The following ESRRG variants were observed in gnomAD, a reference collection of about 807,000 sequenced individuals.
The protein encoded by ESRRG is estrogen related receptor gamma.
Under a neutral mutation model 44.0 loss-of-function variants are expected in ESRRG, and 13 were observed. The observed-to-expected ratio is 0.30, with a 90% CI of 0.19 to 0.47. The LOEUF (loss-of-function observed/expected upper bound fraction) is 0.47, where lower values mean the gene tolerates loss of function less well. Among genes scored for constraint, ESRRG ranks in the 20% least tolerant of loss-of-function variants. ESRRG has a pLI of 1.00. For missense variants in ESRRG, 395 were observed against 580.6 expected, an observed-to-expected ratio of 0.68 and a Z score of 3.29; for synonymous variants, 215 against 214.6, an observed-to-expected ratio of 1.00 and a Z score of -0.02.
intron 2 of ESRRG, among the ~76,000 whole-genome samples, chr1:216,820,825 C>T (rs1440280286): frequency 6.6e-6 from 1 of 152,166 alleles, no homozygotes; most frequent in African/African-American, 2.4e-5. Context: ...GTTTGCTAAC[C>T]TTTAAATTCT....
At position 216,506,931 on chromosome 1, in the gene ESRRG, G is replaced by A. The variant is rs775113591; in HGVS notation, c.*8C>T. ...CATGAAGGATGGGAAGGCCCAGGGA[G>A]CTTTTAGTCAGACCTTGGCCTCCAA... is the stretch of plus-strand genomic sequence containing the variant. On this transcript the variant is annotated 3_prime_UTR_variant, in exon 7 of 7. Coordinates refer to ENST00000408911, the MANE Select transcript of ESRRG (RefSeq NM_001438.4). 5.0e-6 allele frequency: 8 copies of A among 1,611,836 alleles called. No individual in the cohort carries two copies. The highest frequency in any genetic ancestry group is 1.7e-4 in the Middle Eastern group (1 of 6,060).
chr1:216,702,892 G>A (rs2081691834), intron 1 of ESRRG, among the ~76,000 whole-genome samples: 1 of 151,634 alleles, frequency 6.6e-6, no homozygotes, highest in Admixed American at 6.6e-5. Context: ...TTCGATCAGA[G>A]AAATTCTAAT....
intron 1 of ESRRG, among the ~76,000 whole-genome samples, chr1:217,087,143 A>T (rs2151536015): frequency 6.6e-6 from 1 of 152,294 alleles, no homozygotes; most frequent in Middle Eastern, 3.4e-3. Flanking sequence ...TTCAAACATA[A>T]GCCCATTACC....
chr1:216,908,848 A>G (rs1219880727), intron 2 of ESRRG, among the ~76,000 whole-genome samples: 2 of 151,254 alleles, frequency 1.3e-5, no homozygotes, highest in Non-Finnish European at 2.9e-5. Flanking sequence ...AAAAAAACAT[A>G]GAGCATCCTC....
At chr1:216,897,009 G>C (rs1196838456) in intron 2 of ESRRG, among the ~76,000 whole-genome samples, 1 of 152,136 alleles carries the variant, frequency 6.6e-6, no homozygotes, top group Non-Finnish European at 1.5e-5. Context: ...GCCACATTTT[G>C]GAATGTCTGA....
intron 5 of ESRRG, among the ~76,000 whole-genome samples, chr1:216,547,416 C>T (rs1182212689): frequency 6.6e-6 from 1 of 151,976 alleles, no homozygotes; most frequent in Non-Finnish European, 1.5e-5. Flanking sequence ...TTTTCCATCA[C>T]TGCTAACAAA....
Position 216,916,720 on chromosome 1 carries a change from A to G in ESRRG, c.-14+22862T>C, listed in dbSNP as rs562516862. Among the ~76,000 whole-genome samples the G allele has an allele frequency of 5.3e-5, 8 of 151,190 alleles. No homozygotes were observed. In the South Asian group the frequency reaches 1.7e-3, roughly 32 times the overall value. ...CCATTTTGAGAAGTGCTCAAATACCACGGGATCCCATTCCTCCACTCCTCA... is the reference window on the plus strand; with the variant it reads ...CCATTTTGAGAAGTGCTCAAATACCGCGGGATCCCATTCCTCCACTCCTCA... On this transcript the variant is annotated intron_variant, in intron 2 of 7. Coordinates refer to the ESRRG transcript ENST00000359162.
At chr1:216,519,729 T>C (rs2045487311) in intron 5 of ESRRG, among the ~76,000 whole-genome samples, 1 of 151,304 alleles carries the variant, frequency 6.6e-6, no homozygotes, top group African/African-American at 2.4e-5. Flanking sequence ...TGATTTCTGG[T>C]TGAAGTCTTT....
chr1:216,950,889 C>A (rs1030854), intron 1 of ESRRG, among the ~76,000 whole-genome samples: 1 of 152,102 alleles, frequency 6.6e-6, no homozygotes, highest in East Asian at 1.9e-4. Flanking sequence ...GCATGAGACA[C>A]TGACCGTGAA....
At chr1:217,006,949 C>T (rs193070040) in intron 1 of ESRRG, among the ~76,000 whole-genome samples, 8 of 152,172 alleles carry the variant, frequency 5.3e-5, no homozygotes, top group African/African-American at 7.2e-5. Flanking sequence ...TTGCCATCAG[C>T]GATAAAGGCT....
At chr1:216,641,389 G>A (rs527836474) in intron 3 of ESRRG, among the ~76,000 whole-genome samples, 3 of 152,324 alleles carry the variant, frequency 2.0e-5, no homozygotes, top group African/African-American at 2.4e-5. Context: ...CGGATTACAT[G>A]CAGAATCATG....
intron 2 of ESRRG, among the ~76,000 whole-genome samples, chr1:216,921,120 G>T (rs1203660259): frequency 1.3e-5 from 2 of 152,142 alleles, no homozygotes; most frequent in Non-Finnish European, 2.9e-5. Context: ...GATATTCAAA[G>T]AGTATATCAT....
chr1:216,701,446 G>A (rs1219057906), intron 1 of ESRRG: 3 of 152,208 alleles, frequency 2.0e-5, no homozygotes, highest in African/African-American at 7.2e-5. Context: ...TCTATGCACA[G>A]ATGCTGCTCC....
At chr1:217,072,460 T>A (rs552991477) in intron 1 of ESRRG, among the ~76,000 whole-genome samples, 1 of 152,310 alleles carries the variant, frequency 6.6e-6, no homozygotes, top group East Asian at 1.9e-4. Flanking sequence ...TTTGTGTTAA[T>A]CACTGGAATA....
chr1:216,769,527 T>C (rs936335842), intron 2 of ESRRG, among the ~76,000 whole-genome samples: 7 of 152,114 alleles, frequency 4.6e-5, no homozygotes, highest in African/African-American at 1.7e-4. Flanking sequence ...TGGTGAGCCA[T>C]GGAAGATAAT....
At chr1:216,913,530 A>C (rs534932084) in intron 2 of ESRRG, among the ~76,000 whole-genome samples, 1 of 152,246 alleles carries the variant, frequency 6.6e-6, no homozygotes. Flanking sequence ...ATGTATCATT[A>C]TTGCTTCACA....
chr1:216,519,921 T>C (rs1391513), intron 5 of ESRRG, among the ~76,000 whole-genome samples: 41,760 of 151,590 alleles, frequency 0.28, 7,225 homozygotes, highest in East Asian at 0.56. Context: ...CATTTCTGTA[T>C]AATATTAATA....
At chr1:217,036,111 C>T (rs975592041) in intron 1 of ESRRG, among the ~76,000 whole-genome samples, 13 of 152,086 alleles carry the variant, frequency 8.5e-5, no homozygotes, top group African/African-American at 3.1e-4. Context: ...CAATGGGATA[C>T]TATTATCTCA....
intron 2 of ESRRG, among the ~76,000 whole-genome samples, chr1:216,912,280 G>GAAGGAAGGAAGCAA (rs2060564066): frequency 7.4e-6 from 1 of 134,424 alleles, no homozygotes; most frequent in Non-Finnish European, 1.6e-5. Context: ...GGGGAGGAGA[G>GAAGGAAGGAAGCAA]GGGAGGAGAG....
Sources: allele counts gnomAD v4.1 joint callset (sites outside exome capture counted in the v4.1 genomes callset), GRCh38; gene constraint gnomAD v4.1.1; transcripts MANE v1.5; gene names NCBI Gene and HGNC (gene_info 2026-07-23, HGNC 2026-07-21).